The following MAN2C1 variants were observed in gnomAD, a reference collection of about 807,000 sequenced individuals.
MAN2C1 encodes mannosidase alpha class 2C member 1.
A neutral mutation model predicts 126.9 loss-of-function variants in MAN2C1; 111 were observed. That is an observed-to-expected ratio of 0.87 (90% CI 0.75 to 1.02). The LOEUF is 1.02. Among genes scored for constraint, MAN2C1 ranks in the 50% least tolerant of loss-of-function variants. The probability of loss-of-function intolerance (pLI) is 0.00; values close to 1 mark genes in which losing one functional copy is unlikely to be tolerated. For synonymous variants in MAN2C1, 567 were observed against 561.5 expected (o/e 1.01, Z -0.14); for missense variants, 1,363 against 1,364.4 (o/e 1.00, Z 0.02).
rs531757465 is a variant in MAN2C1 at position 75,358,030 on chromosome 15, C to T, written c.2547+171G>A. ...TCGGCCTCCCAAAGTGCTGGAATTACAGGCGTGAGCCACTGTGCCTTGCCA... is the reference window on the plus strand; with the variant it reads ...TCGGCCTCCCAAAGTGCTGGAATTATAGGCGTGAGCCACTGTGCCTTGCCA... On this transcript the variant is annotated intron_variant, in intron 21 of 25. Coordinates refer to ENST00000267978, the MANE Select transcript of MAN2C1 (RefSeq NM_006715.4). The T allele has an allele frequency of 3.5e-4, 279 of 799,162 alleles. 5 individuals carry two copies. In the South Asian group the frequency reaches 4.6e-3, roughly 13 times the overall value. The allele number at this position is 799,162 out of a possible 1,614,324, so 49.5% of individuals were successfully genotyped here. A position where few individuals can be genotyped will look rare whatever the true frequency, so the allele number is the denominator to read the frequency against.
Position 75,360,218 on chromosome 15 carries a change from C to G in MAN2C1, c.1585-7G>C. 1 of 1,607,134 alleles carries G rather than the reference C, an allele frequency of 6.2e-7. No individual in the cohort carries two copies. The highest frequency in any genetic ancestry group is 1.1e-5 in the South Asian group (1 of 91,072). Reference sequence around the variant, plus strand: ...CCCGGTTCCCCTTCTTGATCTGAGCCCAGGATGGGAAGATTAGTCTGGAGC... The same window carrying G: ...CCCGGTTCCCCTTCTTGATCTGAGCGCAGGATGGGAAGATTAGTCTGGAGC... On this transcript the variant is annotated splice_polypyrimidine_tract_variant and splice_region_variant and intron_variant, in intron 13 of 25. Transcript: ENST00000267978.
rs1247437896 is a variant in MAN2C1 at position 75,361,392 on chromosome 15, G to T, written c.1219-11C>A. On this transcript the variant is annotated splice_polypyrimidine_tract_variant and intron_variant, in intron 10 of 25. Transcript: ENST00000267978. The surrounding 1 kb of genome is among the most constrained non-coding windows in gnomAD (Gnocchi z 5.0). ...GAAAAATGTATGGTGCTACCAGCAG[G>T]GAAACAGAAGCAGGGCAGAGAGGCC... The T allele has an allele frequency of 1.3e-5, 21 of 1,555,694 alleles. No individual in the cohort carries two copies. The highest frequency in any genetic ancestry group is 1.8e-5 in the Non-Finnish European group (21 of 1,145,578).
In MAN2C1 at chr15:75,356,472, T is replaced by C; in HGVS notation, c.2738-23A>G. 6.3e-7 allele frequency: 1 copy of C among 1,582,198 alleles called. No homozygotes were observed. Among genetic ancestry groups the C allele is most frequent in the Non-Finnish European group, 8.6e-7 (1 of 1,165,784 alleles). ...AGCCTGGGGTACGACCAGGAAACAA[T>C]GCTGGTGGAGAATGGGGGCTACCCT... On this transcript the variant is annotated intron_variant, in intron 23 of 25. Transcript: ENST00000267978. The surrounding 1 kb of genome is among the most constrained non-coding windows in gnomAD (Gnocchi z 5.8).
In MAN2C1 at chr15:75,362,191, C is replaced by T; in HGVS notation, c.1008+152G>A. The T allele has an allele frequency of 5.6e-6, 4 of 719,406 alleles. No homozygotes were observed. The Admixed American group carries it at 6.9e-5, about 12-fold the overall frequency. 44.6% of individuals were successfully genotyped at this position (719,406 alleles called of 1,614,324 possible). On this transcript the variant is annotated intron_variant, in intron 8 of 25. Transcript: ENST00000267978. This position sits in a 1 kb window ranked among gnomAD's most constrained non-coding sequence, Gnocchi z 4.5. ...CTCTCCTCCCCCTTGAAGTCCCAGGCCTTGAGATCCCAGGGACTAATGAGC... is the reference window on the plus strand; with the variant it reads ...CTCTCCTCCCCCTTGAAGTCCCAGGTCTTGAGATCCCAGGGACTAATGAGC...
In MAN2C1 at chr15:75,366,582, T is replaced by G; in HGVS notation, c.362A>C (p.Lys121Thr). 2 of 1,612,822 alleles carry G rather than the reference T, an allele frequency of 1.2e-6. No homozygotes were observed. Among genetic ancestry groups the G allele is most frequent in the Non-Finnish European group, 1.7e-6 (2 of 1,179,340 alleles). The change falls in exon 4 of 26, where the codon AAA becomes ACA. Residue 121 changes from lysine (K) to threonine (T), a missense_variant. Physicochemically the swap from Lys to Thr is moderately conservative, Grantham distance 78. Coordinates refer to ENST00000267978, the MANE Select transcript of MAN2C1 (RefSeq NM_006715.4). Reference protein sequence around the residue: ...RDGEPVQGLTKEGEKTSYVLT... With the variant: ...RDGEPVQGLTTEGEKTSYVLT... The stretch of plus-strand genomic sequence containing the variant: ...GACATAGCTGGTCTTCTCACCCTCT[T>G]TGGTTAAACCCTAGTAGGGAGGGGA...
chr15:75,362,532 G>A lies in MAN2C1; in HGVS notation c.898-79C>T. 11 of 1,520,300 alleles carry A rather than the reference G, an allele frequency of 7.2e-6. No individual in the cohort carries two copies. The highest frequency in any genetic ancestry group is 9.9e-6 in the Non-Finnish European group (11 of 1,110,622). The allele number at this position is 1,520,300 out of a possible 1,614,324, so 94.2% of individuals were successfully genotyped here. A position where few individuals can be genotyped will look rare whatever the true frequency, so the allele number is the denominator to read the frequency against. On this transcript the variant is annotated intron_variant, in intron 7 of 25. Transcript: ENST00000267978. The surrounding 1 kb of genome is among the most constrained non-coding windows in gnomAD (Gnocchi z 4.5). ...ACTGAGCATATGGGACTCAGTGTGT[G>A]GCTGAGGGTGAGGAGCAGCCCTGAC... is the stretch of plus-strand genomic sequence containing the variant.
At chr15:75,357,022 TC>T (rs1396447021) in intron 21 of MAN2C1, 120 bp from the exon 22 acceptor site, 1 of 785,878 alleles carries the variant, frequency 1.3e-6, no homozygotes, top group Non-Finnish European at 2.1e-6. Flanking sequence ...GAACTCCAGC[TC>T]CCACTGTACG....
intron 4 of MAN2C1, chr15:75,365,887 G>C: frequency 2.5e-6 from 1 of 398,456 alleles, no homozygotes; most frequent in Non-Finnish European, 4.9e-6. Flanking sequence ...GAATTTGAGA[G>C]TAGCCTGGCC....
intron 3 of MAN2C1, 124 bp downstream of exon 3, chr15:75,367,387 T>C: frequency 7.7e-7 from 1 of 1,306,082 alleles, no homozygotes; most frequent in South Asian, 1.4e-5. Context: ...AGTCCTGAAA[T>C]CCTGATACCA....
intron 6 of MAN2C1, chr15:75,363,214 C>T (rs1224326144): frequency 4.4e-6 from 2 of 456,502 alleles, no homozygotes; most frequent in African/African-American, 4.0e-5. Context: ...CCTTACCCTA[C>T]ATCTTGGCAC....
rs776028766 is a variant in MAN2C1 at position 75,361,991 on chromosome 15, C to T, written c.1009-44G>A. On this transcript the variant is annotated intron_variant, in intron 8 of 25. Coordinates refer to ENST00000267978, the MANE Select transcript of MAN2C1 (RefSeq NM_006715.4). The surrounding 1 kb of genome is among the most constrained non-coding windows in gnomAD (Gnocchi z 5.0). The stretch of plus-strand genomic sequence containing the variant: ...GGAGGCAGCCCAGGTCAGCGCTGGA[C>T]GGGGAGCAGGCAGGCGCTCAGGCCA... 22 of 1,488,314 alleles carry T rather than the reference C, an allele frequency of 1.5e-5. No individual in the cohort carries two copies. Among genetic ancestry groups the T allele is most frequent in the Admixed American group, 3.3e-5 (2 of 59,818 alleles). The allele number at this position is 1,488,314 out of a possible 1,614,324, so 92.2% of individuals were successfully genotyped here. A position where few individuals can be genotyped will look rare whatever the true frequency, so the allele number is the denominator to read the frequency against.
rs1334968205 is a variant in MAN2C1 at position 75,358,446 on chromosome 15, CCTACCCCCCGA to C, written c.2403+5_2403+15del. Reference sequence around the variant, plus strand: ...GCACACTTGGGGAAAACAGCCACCCCCTACCCCCCGACTACCTCGGTGTGGAAGCGGACATA... The same window carrying C: ...GCACACTTGGGGAAAACAGCCACCCCCTACCTCGGTGTGGAAGCGGACATA... On this transcript the variant is annotated splice_donor_5th_base_variant and intron_variant, in intron 20 of 25. Coordinates refer to ENST00000267978, the MANE Select transcript of MAN2C1 (RefSeq NM_006715.4). The C allele has an allele frequency of 1.9e-5, 30 of 1,613,278 alleles. No individual in the cohort carries two copies. The highest frequency in any genetic ancestry group is 2.2e-5 in the East Asian group (1 of 44,880).
Position 75,362,276 on chromosome 15 carries a change from G to T in MAN2C1, c.1008+67C>A. ...GGAAACTCACCAGCAAAGCCGGGAGGGCGGGGCTACCTGAGGGAAGGCTGT... is the reference window on the plus strand; with the variant it reads ...GGAAACTCACCAGCAAAGCCGGGAGTGCGGGGCTACCTGAGGGAAGGCTGT... On this transcript the variant is annotated intron_variant, in intron 8 of 25. Transcript: ENST00000267978. This position sits in a 1 kb window ranked among gnomAD's most constrained non-coding sequence, Gnocchi z 4.5. The T allele has an allele frequency of 1.4e-6, 2 of 1,417,868 alleles. No individual in the cohort carries two copies. Among genetic ancestry groups the T allele is most frequent in the Non-Finnish European group, 2.0e-6 (2 of 1,010,384 alleles). The allele number at this position is 1,417,868 out of a possible 1,614,324, so 87.8% of individuals were successfully genotyped here. A position where few individuals can be genotyped will look rare whatever the true frequency, so the allele number is the denominator to read the frequency against.
chr15:75,356,440 T>C lies in MAN2C1; in HGVS notation c.2747A>G (p.Gln916Arg), dbSNP rs759527873. ...YALMPHKGSFQDAGVIQAAYS... is the reference protein window; with the variant it reads ...YALMPHKGSFRDAGVIQAAYS... ...GGCAGCTTGGATAACGCCAGCATCC[T>C]GGAAAGAGCCTGGGGTACGACCAGG... is the stretch of plus-strand genomic sequence containing the variant. Residue 916 changes from glutamine (Q) to arginine (R), a missense_variant, in exon 24 of 26, where the codon CAG becomes CGG. Around this residue, in one of 3 missense-constraint regions of MAN2C1, gnomAD observed 668 missense variants for 650.1 expected, o/e 1.03. Transcript: ENST00000267978. The surrounding 1 kb of genome is among the most constrained non-coding windows in gnomAD (Gnocchi z 5.8). 6.2e-7 allele frequency: 1 copy of C among 1,600,956 alleles called. No homozygotes were observed. Among genetic ancestry groups the C allele is most frequent in the South Asian group, 1.1e-5 (1 of 88,620 alleles).
Position 75,356,854 on chromosome 15 carries a change from C to T in MAN2C1, c.2596G>A (p.Ala866Thr). 6.2e-7 allele frequency: 1 copy of T among 1,614,160 alleles called. No individual in the cohort carries two copies. The highest frequency in any genetic ancestry group is 8.5e-7 in the Non-Finnish European group (1 of 1,180,036). ...MDLSEHGFGLALLNDCKYGAS... is the reference protein window; with the variant it reads ...MDLSEHGFGLTLLNDCKYGAS... Reference sequence around the variant, plus strand: ...CCATACTTGCAGTCGTTGAGCAGGGCCAGCCCAAAGCCGTGTTCTGACAGA... The same window carrying T: ...CCATACTTGCAGTCGTTGAGCAGGGTCAGCCCAAAGCCGTGTTCTGACAGA... Residue 866 changes from alanine (A) to threonine (T), a missense_variant, in exon 22 of 26, where the codon GCC (alanine) becomes ACC (threonine). Ala to Thr is a moderately conservative substitution (Grantham distance 58). Coordinates refer to ENST00000267978, the MANE Select transcript of MAN2C1 (RefSeq NM_006715.4). The surrounding 1 kb of genome is among the most constrained non-coding windows in gnomAD (Gnocchi z 5.8).
In MAN2C1 at chr15:75,359,185, G is replaced by T. The variant is rs762248151; in HGVS notation, c.2047-32C>A. On this transcript the variant is annotated intron_variant, in intron 17 of 25. Coordinates refer to ENST00000267978, the MANE Select transcript of MAN2C1 (RefSeq NM_006715.4). ...GGGAGGAGGCCTTGAGGCTGAGTCT[G>T]TAGGGGCTTCCCACACCAAAAGTCT... is the stretch of plus-strand genomic sequence containing the variant. 3 of 1,612,836 alleles carry T rather than the reference G, an allele frequency of 1.9e-6. No homozygotes were observed. In the African/African-American group the frequency reaches 4.0e-5, roughly 22 times the overall value.
Position 75,358,746 on chromosome 15 carries a change from T to G in MAN2C1, c.2204A>C (p.Tyr735Ser). 6.2e-7 allele frequency: 1 copy of G among 1,613,496 alleles called. No homozygotes were observed. Among genetic ancestry groups the G allele is most frequent in the African/African-American group, 1.3e-5 (1 of 74,866 alleles). Residue 735 changes from tyrosine to serine, a missense_variant, in exon 19 of 26, where the codon TAC (tyrosine) becomes TCC (serine). Transcript: ENST00000267978. ...GTCCATGACGTCCCATGCATCCCAG[T>G]ACAAGGGGACATCATCAAATAGCAC... is the stretch of plus-strand genomic sequence containing the variant. Reference protein sequence around the residue: ...QFVLFDDVPLYWDAWDVMDYH... With the variant: ...QFVLFDDVPLSWDAWDVMDYH...
chr15:75,358,503 C>T lies in MAN2C1; in HGVS notation c.2362G>A (p.Val788Met), dbSNP rs1395440072. Reference sequence around the variant, plus strand: ...ACATAGGGGCAGCCAACGTCCAGCACAACCTCCTGGCTAAGCCGACTGTTG... The same window carrying T: ...ACATAGGGGCAGCCAACGTCCAGCATAACCTCCTGGCTAAGCCGACTGTTG... ...SPNSRLSQEV[V>M]LDVGCPYVRF... The change falls in exon 20 of 26, where the codon GTG becomes ATG. Residue 788 changes from valine (V) to methionine (M), a missense_variant. Physicochemically the swap from Val to Met is conservative, Grantham distance 21 (BLOSUM62 1). Transcript: ENST00000267978. The T allele has an allele frequency of 6.2e-7, 1 of 1,613,412 alleles. No homozygotes were observed. The highest frequency in any genetic ancestry group is 1.3e-5 in the African/African-American group (1 of 74,946).
rs143373213 is a variant in MAN2C1 at position 75,359,560 on chromosome 15, C to T, written c.1948+60G>A. 2.2e-4 allele frequency: 357 copies of T among 1,599,100 alleles called. 3 individuals carry two copies. In the East Asian group the frequency reaches 7.8e-3, roughly 35 times the overall value. ...CCAGATCCCTCGGGGTATCCCAGGC[C>T]TGATCTGTCTGGCCTCCATCCTTCC... On this transcript the variant is annotated intron_variant, in intron 16 of 25. Transcript: ENST00000267978.
Sources: gnomAD v4.1 joint callset for allele counts on GRCh38, gnomAD v4.1.1 for gene constraint, gnomAD v4.1.1 regional missense constraint, Gnocchi (gnomAD v3.1) non-coding constraint, MANE v1.5 for transcripts, NCBI Gene and HGNC (gene_info 2026-07-23, HGNC 2026-07-21) for gene names.